Variants in PACRG observed in about 807,000 individuals in gnomAD.
PACRG encodes the protein parkin coregulated, also known as parkin coregulated gene protein.
Under a neutral mutation model 29.7 loss-of-function variants are expected in PACRG, and 29 were observed. The ratio of observed to expected loss-of-function variants is 0.98; its 90% CI spans 0.73 to 1.33. The LOEUF is 1.33. PACRG is among the 40% of genes most tolerant of loss of function. The pLI is 0.00. For missense variants in PACRG, 279 were observed against 316.2 expected, an observed-to-expected ratio of 0.88 and a Z score of 0.89; for synonymous variants, 116 against 118.7, an observed-to-expected ratio of 0.98 and a Z score of 0.15.
intron 2 of PACRG, among the ~76,000 whole-genome samples, chr6:162,862,137 C>G (rs1791912035): frequency 6.6e-6 from 1 of 152,172 alleles, no homozygotes; most frequent in Admixed American, 6.5e-5. Context: ...ACTCAGAGGA[C>G]TGAGGAGGTG....
At chr6:163,196,022 C>G (rs1780437893) in intron 4 of PACRG, among the ~76,000 whole-genome samples, 1 of 152,186 alleles carries the variant, frequency 6.6e-6, no homozygotes, top group African/African-American at 2.4e-5. Flanking sequence ...GAGCTGGTTC[C>G]CTCCCAGACC....
chr6:163,247,650 C>T (rs1486212368), intron 4 of PACRG, among the ~76,000 whole-genome samples: 3 of 152,118 alleles, frequency 2.0e-5, no homozygotes, highest in Non-Finnish European at 4.4e-5. Flanking sequence ...GGAAAGTCTT[C>T]AGTGAGCCTC....
Position 163,100,714 on chromosome 6 carries a change from T to A in PACRG, c.613+11306T>A, listed in dbSNP as rs796208492. The A allele has an allele frequency of 1.7e-5, 15 of 872,770 alleles. No homozygotes were observed. In the African/African-American group the frequency reaches 2.4e-4, roughly 14 times the overall value. The allele number at this position is 872,770 out of a possible 1,614,324, so 54.1% of individuals were successfully genotyped here. On this transcript the variant is annotated intron_variant, in intron 4 of 4. Transcript: ENST00000366888. ...ATGTTCCTCTTAGTATGAAATCAGC[T>A]TTCCATTTTATTGCCTTTCTTAAAA...
chr6:162,868,454 C>T (rs1190834774), intron 2 of PACRG, among the ~76,000 whole-genome samples: 2 of 152,212 alleles, frequency 1.3e-5, no homozygotes, highest in Non-Finnish European at 2.9e-5. Flanking sequence ...CTGTGGCAGG[C>T]CAGCCGCCGC....
chr6:163,246,579 A>C (rs1324764927), intron 4 of PACRG, among the ~76,000 whole-genome samples: 1 of 152,212 alleles, frequency 6.6e-6, no homozygotes, highest in Admixed American at 6.5e-5. Flanking sequence ...GAGAGGCAGC[A>C]TGTGAGAACA....
intron 4 of PACRG, among the ~76,000 whole-genome samples, chr6:163,281,532 A>T (rs1053324510): frequency 6.6e-6 from 1 of 152,024 alleles, no homozygotes; most frequent in Non-Finnish European, 1.5e-5. Flanking sequence ...AATAGCCAAA[A>T]ATCAAGATGA....
intron 4 of PACRG, among the ~76,000 whole-genome samples, chr6:163,197,592 C>T (rs1421315706): frequency 1.4e-5 from 2 of 147,626 alleles, no homozygotes; most frequent in Admixed American, 6.8e-5. Context: ...TACAGGCGCC[C>T]GCCACCACGC....
chr6:163,006,867 T>C (rs898693544), intron 2 of PACRG, among the ~76,000 whole-genome samples: 5 of 152,030 alleles, frequency 3.3e-5, no homozygotes, highest in African/African-American at 1.2e-4. Flanking sequence ...CAGCTTATAA[T>C]GTTGGCTTCT....
At chr6:163,216,846 G>A (rs1000344223) in intron 4 of PACRG, among the ~76,000 whole-genome samples, 1 of 152,064 alleles carries the variant, frequency 6.6e-6, no homozygotes, top group African/African-American at 2.4e-5. Flanking sequence ...ATTATTTAAG[G>A]TTCTGCTGTC....
chr6:162,947,644 A>ATATG (rs1799338522), intron 2 of PACRG, among the ~76,000 whole-genome samples: 1 of 73,650 alleles, frequency 1.4e-5, no homozygotes, highest in African/African-American at 5.4e-5. Flanking sequence ...ATATATATAT[A>ATATG]TATACACCCA....
At chr6:163,043,350 GT>G (rs1364369901) in intron 2 of PACRG, among the ~76,000 whole-genome samples, 2 of 152,180 alleles carry the variant, frequency 1.3e-5, no homozygotes, top group African/African-American at 4.8e-5. Flanking sequence ...GAGGTCAGGA[GT>G]TTGAGACCAA....
chr6:163,312,979 C>G (rs1785493418), intron 4 of PACRG: 1 of 244,628 alleles, frequency 4.1e-6, no homozygotes, highest in South Asian at 3.9e-5. Context: ...TGGTCTCAAA[C>G]TCCTGGTCTC....
rs140224748 is a variant in PACRG at position 163,096,453 on chromosome 6, A to G, written c.613+7045A>G. 3.9e-5 allele frequency among the ~76,000 whole-genome samples: 6 copies of G among 152,350 alleles called. No homozygotes were observed. The South Asian group carries it at 1.0e-3, about 26-fold the overall frequency. The stretch of plus-strand genomic sequence containing the variant: ...CAGATGGGATAATTTGTGGAGAAAC[A>G]AGAAATGGGACAAAGCATGCAGCTG... On this transcript the variant is annotated intron_variant, in intron 4 of 4. Coordinates refer to ENST00000366888, the MANE Select transcript of PACRG (RefSeq NM_001080379.2).
At chr6:163,305,309 T>C (rs1006835252) in intron 4 of PACRG, among the ~76,000 whole-genome samples, 3 of 152,244 alleles carry the variant, frequency 2.0e-5, no homozygotes, top group African/African-American at 7.2e-5. Context: ...CAATGTGGCT[T>C]TCTGGTTTGT....
At chr6:162,735,024 A>G (rs1780058496) in intron 1 of PACRG, among the ~76,000 whole-genome samples, 1 of 152,182 alleles carries the variant, frequency 6.6e-6, no homozygotes, top group South Asian at 2.1e-4. Context: ...TTTCATCAAC[A>G]TTCTGTTTGT....
chr6:163,247,769 T>A (rs143713398), intron 4 of PACRG, among the ~76,000 whole-genome samples: 1 of 152,180 alleles, frequency 6.6e-6, no homozygotes, highest in South Asian at 2.1e-4. Context: ...ACCGTCTACC[T>A]GCCACTGTCC....
chr6:163,091,013 C>A (rs139223805), intron 4 of PACRG, among the ~76,000 whole-genome samples: 1 of 152,146 alleles, frequency 6.6e-6, no homozygotes, highest in African/African-American at 2.4e-5. Flanking sequence ...CTTGATGATC[C>A]TGGAAGATGA....
chr6:163,005,976 AAC>A (rs1025126537), intron 2 of PACRG, among the ~76,000 whole-genome samples: 2 of 146,406 alleles, frequency 1.4e-5, no homozygotes, highest in Non-Finnish European at 3.0e-5. Flanking sequence ...CATTGTTCAT[AAC>A]AGTTATACAT....
At chr6:162,978,191 A>C (rs566600125) in intron 2 of PACRG, among the ~76,000 whole-genome samples, 2 of 152,316 alleles carry the variant, frequency 1.3e-5, no homozygotes, top group East Asian at 3.9e-4. Context: ...CCCAAACTAT[A>C]AACAGCATGA....
Sources: allele counts gnomAD v4.1 joint callset (sites outside exome capture counted in the v4.1 genomes callset), GRCh38; gene constraint gnomAD v4.1.1; transcripts MANE v1.5; gene names NCBI Gene and HGNC (gene_info 2026-07-23, HGNC 2026-07-21).